NRG1: variants seen among roughly 807,000 people sequenced by gnomAD.
The protein encoded by NRG1 is neuregulin 1, also known as pro-neuregulin-1, membrane-bound isoform.
A neutral mutation model predicts 63.8 loss-of-function variants in NRG1; 18 were observed. That is an observed-to-expected ratio of 0.28 (90% CI 0.19 to 0.42). The LOEUF (loss-of-function observed/expected upper bound fraction) is 0.42, where lower values mean the gene tolerates loss of function less well. NRG1 is among the 10% of genes least tolerant of loss of function. The pLI, the probability that NRG1 is intolerant of heterozygous loss-of-function variation, is 1.00. For synonymous variants in NRG1, 302 were observed against 301.3 expected, an observed-to-expected ratio of 1.00 and a Z score of -0.02; for missense variants, 762 against 814.7, an observed-to-expected ratio of 0.94 and a Z score of 0.79.
rs201459025 is a variant in NRG1, at chr8:32,692,505, A to G, written c.503-35444A>G. On this transcript the variant is annotated intron_variant, in intron 5 of 11. Transcript: ENST00000356819. ...TCCCCTCTAAGGAGGGAAAGATGGT[A>G]TAATGAAGGCTTCCTGGAAAAATTA... is the stretch of plus-strand genomic sequence containing the variant. Among the ~76,000 whole-genome samples, 34 of 152,342 alleles carry G rather than the reference A, an allele frequency of 2.2e-4. No homozygotes were observed. The East Asian group carries it at 4.6e-3, about 21-fold the overall frequency.
At chr8:31,809,741 G>GTTTTTTTTTTTTTTTTTTTTTTTTTTTT (rs753730069) in intron 1 of NRG1, among the ~76,000 whole-genome samples, 2 of 68,018 alleles carry the variant, frequency 2.9e-5, no homozygotes, top group Non-Finnish European at 5.2e-5. Context: ...TCTATTAATT[G>GTTTTTTTTTTTTTTTTTTTTTTTTTTTT]TTTTTTTTTT....
intron 1 of NRG1, among the ~76,000 whole-genome samples, chr8:31,980,670 G>C (rs1014147117): frequency 1.3e-5 from 2 of 151,924 alleles, no homozygotes; most frequent in Non-Finnish European, 2.9e-5. Context: ...TACCATAAAG[G>C]TTTAGGTCTA....
intron 1 of NRG1, among the ~76,000 whole-genome samples, chr8:32,005,216 G>A (rs1813578773): frequency 6.6e-6 from 1 of 151,838 alleles, no homozygotes; most frequent in Admixed American, 6.6e-5. Context: ...GCTGTTCTGT[G>A]GATTGTGTGA....
intron 1 of NRG1, among the ~76,000 whole-genome samples, chr8:31,760,252 T>C (rs1270514025): frequency 6.6e-6 from 1 of 152,196 alleles, no homozygotes; most frequent in Non-Finnish European, 1.5e-5. Flanking sequence ...GGATCCAGTT[T>C]CAGCTTTCTA....
intron 1 of NRG1, among the ~76,000 whole-genome samples, chr8:32,177,956 C>T (rs992216037): frequency 5.9e-5 from 9 of 151,912 alleles, no homozygotes; most frequent in African/African-American, 2.2e-4. Flanking sequence ...ACCTGTGTTA[C>T]TCATTGAATC....
At chr8:32,357,751 A>C (rs1806640375) in intron 1 of NRG1, among the ~76,000 whole-genome samples, 3 of 152,222 alleles carry the variant, frequency 2.0e-5, no homozygotes, top group Admixed American at 2.0e-4. Flanking sequence ...AGGACCTATT[A>C]GTTGGAAGCC....
chr8:32,480,985 T>C (rs955603012), intron 1 of NRG1, among the ~76,000 whole-genome samples: 22 of 152,204 alleles, frequency 1.4e-4, no homozygotes, highest in Admixed American at 1.0e-3. Context: ...TACATTAAAA[T>C]ATGCATCACA....
chr8:31,988,007 A>T (rs1338468235), intron 1 of NRG1, among the ~76,000 whole-genome samples: 2 of 152,094 alleles, frequency 1.3e-5, no homozygotes, highest in African/African-American at 4.8e-5. Flanking sequence ...GATTTCTTTC[A>T]TTTCGGTGCT....
intron 1 of NRG1, among the ~76,000 whole-genome samples, chr8:31,653,456 A>G (rs746364170): frequency 2.6e-5 from 4 of 152,190 alleles, no homozygotes; most frequent in Non-Finnish European, 5.9e-5. Context: ...CCTGAATAAA[A>G]TCTGCACTAA....
intron 6 of NRG1, among the ~76,000 whole-genome samples, chr8:32,731,466 T>A (rs1471763121): frequency 6.6e-6 from 1 of 152,064 alleles, no homozygotes; most frequent in Non-Finnish European, 1.5e-5. Flanking sequence ...TACTGGATCT[T>A]ATCAGAAAGA....
At chr8:32,271,893 C>T (rs139530686) in intron 1 of NRG1, among the ~76,000 whole-genome samples, 131 of 152,230 alleles carry the variant, frequency 8.6e-4, no homozygotes, top group Non-Finnish European at 1.7e-3. Flanking sequence ...CACAGCATGG[C>T]CTGCTTCTAG....
At chr8:32,512,521 A>G (rs1348605484) in intron 1 of NRG1, among the ~76,000 whole-genome samples, 1 of 152,214 alleles carries the variant, frequency 6.6e-6, no homozygotes, top group Non-Finnish European at 1.5e-5. Flanking sequence ...CAATTATTAT[A>G]TACCAGACAT....
chr8:32,113,187 C>T (rs940470779), intron 1 of NRG1, among the ~76,000 whole-genome samples: 11 of 152,106 alleles, frequency 7.2e-5, no homozygotes, highest in African/African-American at 2.7e-4. Flanking sequence ...GAGTGGATCC[C>T]TGAAAATGGC....
intron 6 of NRG1, among the ~76,000 whole-genome samples, chr8:32,729,445 A>T (rs2129016789): frequency 6.6e-6 from 1 of 152,372 alleles, no homozygotes; most frequent in East Asian, 1.9e-4. Context: ...CCCAGCGAAA[A>T]CATGCAGTGG....
chr8:32,066,801 T>C (rs1203737903), intron 1 of NRG1, among the ~76,000 whole-genome samples: 1 of 152,190 alleles, frequency 6.6e-6, no homozygotes, highest in Admixed American at 6.5e-5. Flanking sequence ...TTCATGATAT[T>C]GATTCTTCCT....
chr8:32,168,326 T>C (rs1303162681), intron 1 of NRG1, among the ~76,000 whole-genome samples: 1 of 152,208 alleles, frequency 6.6e-6, no homozygotes, highest in Non-Finnish European at 1.5e-5. Flanking sequence ...GGCATGGGGA[T>C]ATATTACTGG....
At chr8:32,122,424 T>C (rs1389107874) in intron 1 of NRG1, among the ~76,000 whole-genome samples, 1 of 152,000 alleles carries the variant, frequency 6.6e-6, no homozygotes, top group African/African-American at 2.4e-5. Flanking sequence ...GTATCCCTCA[T>C]GACTATATAG....
At chr8:32,088,014 C>T (rs901413837) in intron 1 of NRG1, among the ~76,000 whole-genome samples, 1 of 152,190 alleles carries the variant, frequency 6.6e-6, no homozygotes. Flanking sequence ...TCCCACCCTG[C>T]TCTCCAAGGT....
chr8:32,107,859 A>G (rs927342583), intron 1 of NRG1, among the ~76,000 whole-genome samples: 5 of 152,192 alleles, frequency 3.3e-5, no homozygotes, highest in African/African-American at 4.8e-5. Flanking sequence ...TGAAATATGT[A>G]TAAGTGCTTC....
Sources: gnomAD v4.1 joint callset for allele counts (sites outside exome capture counted in the v4.1 genomes callset) on GRCh38, gnomAD v4.1.1 for gene constraint, MANE v1.5 for transcripts, NCBI Gene and HGNC (gene_info 2026-07-23, HGNC 2026-07-21) for gene names.